The following KCTD9 variants were observed in gnomAD, a reference collection of about 807,000 sequenced individuals.
KCTD9 encodes the protein BTB/POZ domain-containing protein KCTD9.
KCTD9 carries 17 observed loss-of-function variants against 53.3 expected under a neutral mutation model. The observed-to-expected ratio is 0.32, with a 90% CI of 0.22 to 0.48. The LOEUF (loss-of-function observed/expected upper bound fraction) is 0.48, where lower values mean the gene tolerates loss of function less well. Among genes scored for constraint, KCTD9 ranks in the 20% least tolerant of loss-of-function variants. The probability of loss-of-function intolerance (pLI) is 0.99; values close to 1 mark genes in which losing one functional copy is unlikely to be tolerated. For missense variants in KCTD9, 179 were observed against 465.5 expected (o/e 0.38, Z 5.66); for synonymous variants, 128 against 162.7 (o/e 0.79, Z 1.62).
chr8:25,449,278 A>C (rs1428863842), intron 1 of KCTD9, among the ~76,000 whole-genome samples: 1 of 152,138 alleles, frequency 6.6e-6, no homozygotes, highest in African/African-American at 2.4e-5. Context: ...CATACAAAGA[A>C]TTTTCTAAAT....
At position 25,446,316 on chromosome 8, in the gene KCTD9, C is replaced by G. The variant is rs527704394; in HGVS notation, c.49-66G>C. On this transcript the variant is annotated intron_variant, in intron 1 of 11. Coordinates refer to ENST00000221200, the MANE Select transcript of KCTD9 (RefSeq NM_017634.4). ...CATGTTATCCCCCATAAGTTATAAA[C>G]TACCACACTAGAACAGTGCTAAAAA... The G allele has an allele frequency of 7.1e-6, 11 of 1,551,876 alleles. No homozygotes were observed. The African/African-American group carries it at 1.4e-4, about 19-fold the overall frequency.
intron 8 of KCTD9, 56 bp downstream of exon 8, chr8:25,436,179 A>G: frequency 9.0e-7 from 1 of 1,110,752 alleles, no homozygotes. Context: ...AAGAATGTAA[A>G]ATTTTATTCA....
intron 2 of KCTD9, 144 bp from the exon 3 acceptor site, chr8:25,444,479 T>C: frequency 2.9e-6 from 2 of 694,462 alleles, no homozygotes; most frequent in Non-Finnish European, 4.7e-6. Flanking sequence ...AAGTTTCCAA[T>C]GCTTTGTTTA....
chr8:25,432,396 C>G, intron 11 of KCTD9, 108 bp downstream of exon 11: 1 of 924,328 alleles, frequency 1.1e-6, no homozygotes, highest in Non-Finnish European at 1.7e-6. Flanking sequence ...ATGAGTCTTC[C>G]AATCCAGTTT....
In KCTD9 at chr8:25,428,908, C is replaced by A. The variant is rs942683135; in HGVS notation, c.*949G>T. ...ATTGCAGTAGCTCTGGATTTAGTAT[C>A]TATTTCTAAGCTGGCCCTATGTAAA... On this transcript the variant is annotated 3_prime_UTR_variant, in exon 12 of 12. Transcript: ENST00000221200. The A allele has an allele frequency of 2.0e-5, 3 of 152,170 alleles. No individual in the cohort carries two copies. Among genetic ancestry groups the A allele is most frequent in the Non-Finnish European group, 4.4e-5 (3 of 68,014 alleles). 9.4% of individuals were successfully genotyped at this position (152,170 alleles called of 1,614,324 possible).
intron 11 of KCTD9, among the ~76,000 whole-genome samples, chr8:25,430,808 T>TACACAC (rs139075991): frequency 0.032 from 4,724 of 145,504 alleles, 235 homozygotes; most frequent in African/African-American, 0.11. Context: ...ACATAATAAA[T>TACACAC]ACACACACAC....
At chr8:25,452,926 G>A (rs1802355295) in intron 1 of KCTD9, among the ~76,000 whole-genome samples, 1 of 152,146 alleles carries the variant, frequency 6.6e-6, no homozygotes, top group Admixed American at 6.5e-5. Context: ...CAGCACCTTG[G>A]GAGACTGAGG....
chr8:25,457,423 G>A (rs1353859446), intron 1 of KCTD9: 2 of 967,696 alleles, frequency 2.1e-6, no homozygotes, highest in Non-Finnish European at 2.5e-6. Context: ...CAAAAGGCTG[G>A]GAAGGAAGAG....
At chr8:25,455,326 T>C (rs1335298743) in intron 1 of KCTD9, among the ~76,000 whole-genome samples, 5 of 152,128 alleles carry the variant, frequency 3.3e-5, no homozygotes, top group African/African-American at 7.2e-5. Flanking sequence ...TTTGTCTTCA[T>C]GCACTAGAAC....
chr8:25,436,894 T>G (rs546896856), intron 6 of KCTD9, among the ~76,000 whole-genome samples: 6 of 152,354 alleles, frequency 3.9e-5, no homozygotes, highest in African/African-American at 1.4e-4. Context: ...TTGGGTTCCA[T>G]TATCTTTCAA....
intron 1 of KCTD9, among the ~76,000 whole-genome samples, chr8:25,454,729 C>A (rs1299048405): frequency 6.6e-6 from 1 of 152,114 alleles, no homozygotes; most frequent in African/African-American, 2.4e-5. Flanking sequence ...GACCACACAC[C>A]CCATTGGTAA....
At chr8:25,453,495 A>ATTTTTGTGTTTTT (rs1256593851) in intron 1 of KCTD9, among the ~76,000 whole-genome samples, 11 of 151,614 alleles carry the variant, frequency 7.3e-5, no homozygotes, top group Non-Finnish European at 1.3e-4. Context: ...CTCTACTAAA[A>ATTTTTGTGTTTTT]ACACAAAAAT....
Position 25,446,432 on chromosome 8 carries a change from C to T in KCTD9, c.49-182G>A, listed in dbSNP as rs78610578. ...TTATTCACTTGGTGCCTAATATTGCCGACTCCTCAACTAGAACATAAGAAA... is the reference window on the plus strand; with the variant it reads ...TTATTCACTTGGTGCCTAATATTGCTGACTCCTCAACTAGAACATAAGAAA... On this transcript the variant is annotated intron_variant, in intron 1 of 11. Coordinates refer to ENST00000221200, the MANE Select transcript of KCTD9 (RefSeq NM_017634.4). 2.9e-3 allele frequency among the ~76,000 whole-genome samples: 436 copies of T among 152,178 alleles called. 8 individuals carry two copies. In the East Asian group the frequency reaches 0.044, roughly 15 times the overall value.
In KCTD9 at chr8:25,439,361, G is replaced by A. The variant is rs758382014; in HGVS notation, c.417C>T (p.Asp139=). The A allele has an allele frequency of 1.2e-6, 2 of 1,613,260 alleles. No individual in the cohort carries two copies. Among genetic ancestry groups the A allele is most frequent in the Admixed American group, 3.3e-5 (2 of 59,972 alleles). ...TGGGTTCGAAGTACTCAGGACTTCG[G>A]TCAATTAAGAAAGCTCCTCTATGAT... is the stretch of plus-strand genomic sequence containing the variant. ...KQDHRGAFLI[D]RSPEYFEPIL... The change falls in exon 6 of 12, where the codon GAC becomes GAT. Residue 139 remains aspartate (D), a synonymous_variant. Transcript: ENST00000221200.
chr8:25,456,150 A>C (rs1802429935), intron 1 of KCTD9, among the ~76,000 whole-genome samples: 1 of 152,218 alleles, frequency 6.6e-6, no homozygotes, highest in South Asian at 2.1e-4. Context: ...ACAGTCTGGT[A>C]ACTACTAAAC....
At chr8:25,453,858 T>C (rs910643190) in intron 1 of KCTD9, among the ~76,000 whole-genome samples, 2 of 152,148 alleles carry the variant, frequency 1.3e-5, no homozygotes, top group Non-Finnish European at 2.9e-5. Flanking sequence ...ATATTCTTTA[T>C]TGTATTCTTT....
At chr8:25,450,035 G>A (rs750207659) in intron 1 of KCTD9, among the ~76,000 whole-genome samples, 29 of 152,246 alleles carry the variant, frequency 1.9e-4, no homozygotes, top group Non-Finnish European at 3.7e-4. Flanking sequence ...TGCTTGGCAA[G>A]GACTATTTTC....
At chr8:25,435,589 C>A in intron 8 of KCTD9, 77 bp from the exon 9 acceptor site, 1 of 1,366,902 alleles carries the variant, frequency 7.3e-7, no homozygotes, top group South Asian at 1.6e-5. Flanking sequence ...TAGCTAACCA[C>A]CAAGTTTTTT....
intron 1 of KCTD9, among the ~76,000 whole-genome samples, chr8:25,451,980 T>C (rs113250379): frequency 9.3e-4 from 142 of 152,188 alleles, no homozygotes; most frequent in African/African-American, 3.2e-3. Context: ...ATCCTAAAGG[T>C]CCAATAAAAA....
Sources: allele counts gnomAD v4.1 joint callset (sites outside exome capture counted in the v4.1 genomes callset), GRCh38; gene constraint gnomAD v4.1.1; transcripts MANE v1.5; gene names NCBI Gene and HGNC (gene_info 2026-07-23, HGNC 2026-07-21).